Variants in CPNE8 observed in about 807,000 individuals in gnomAD.
CPNE8 encodes copine-8.
A neutral mutation model predicts 81.5 loss-of-function variants in CPNE8; 45 were observed. The ratio of observed to expected loss-of-function variants is 0.55; its 90% confidence interval spans 0.44 to 0.71. The LOEUF is 0.71. Among genes scored for constraint, CPNE8 ranks in the 30% least tolerant of loss-of-function variants. The pLI is 0.00. For synonymous variants in CPNE8, 252 were observed against 226.3 expected, an observed-to-expected ratio of 1.11 and a Z score of -1.02; for missense variants, 594 against 672.1, an observed-to-expected ratio of 0.88 and a Z score of 1.28.
chr12:38,746,971 A>C (rs1004117313), intron 10 of CPNE8, among the ~76,000 whole-genome samples: 15 of 152,214 alleles, frequency 9.9e-5, no homozygotes, highest in African/African-American at 3.6e-4. Context: ...GAGAAATAAG[A>C]AATGTGGGAC....
intron 10 of CPNE8, among the ~76,000 whole-genome samples, chr12:38,751,324 C>T (rs76757424): frequency 0.019 from 2,917 of 152,136 alleles, 94 homozygotes; most frequent in African/African-American, 0.067. Flanking sequence ...AAAATATTCG[C>T]CTTTTTTAAA....
At chr12:38,842,093 T>C (rs1384454113) in intron 4 of CPNE8, among the ~76,000 whole-genome samples, 1 of 151,940 alleles carries the variant, frequency 6.6e-6, no homozygotes, top group East Asian at 1.9e-4. Flanking sequence ...TTACTCTCCT[T>C]CGCATCAAGG....
intron 6 of CPNE8, among the ~76,000 whole-genome samples, chr12:38,788,865 A>G (rs1459061697): frequency 1.3e-5 from 2 of 151,818 alleles, no homozygotes; most frequent in Non-Finnish European, 2.9e-5. Flanking sequence ...AGTAGCCACA[A>G]AAAAAATTAA....
intron 6 of CPNE8, among the ~76,000 whole-genome samples, chr12:38,817,211 C>T (rs1452260806): frequency 6.6e-6 from 1 of 152,170 alleles, no homozygotes; most frequent in East Asian, 1.9e-4. Flanking sequence ...GATGACAACA[C>T]TGTGAAGTTT....
At chr12:38,846,814 C>T (rs1353780958) in intron 4 of CPNE8, among the ~76,000 whole-genome samples, 2 of 152,030 alleles carry the variant, frequency 1.3e-5, no homozygotes, top group Non-Finnish European at 2.9e-5. Context: ...AAAAGATTTG[C>T]ATCCAAGGAA....
intron 2 of CPNE8, among the ~76,000 whole-genome samples, 191 bp from the exon 3 acceptor site, chr12:38,873,241 A>G (rs1339580573): frequency 6.6e-6 from 1 of 152,218 alleles, no homozygotes; most frequent in Admixed American, 6.5e-5. Context: ...TAAGCAGAAA[A>G]CAAACTGTTA....
intron 5 of CPNE8, among the ~76,000 whole-genome samples, chr12:38,833,816 C>T (rs939235970): frequency 6.6e-5 from 10 of 152,078 alleles, no homozygotes; most frequent in Admixed American, 6.6e-4. Context: ...ACATGAAGAG[C>T]TCTTTTACAC....
intron 6 of CPNE8, among the ~76,000 whole-genome samples, chr12:38,816,874 C>G (rs1477290501): frequency 6.6e-6 from 1 of 152,102 alleles, no homozygotes; most frequent in Non-Finnish European, 1.5e-5. Context: ...TTGTTGTTAT[C>G]AAAGAAAACA....
At chr12:38,897,768 C>A (rs1017837390) in intron 1 of CPNE8, among the ~76,000 whole-genome samples, 1 of 151,868 alleles carries the variant, frequency 6.6e-6, no homozygotes, top group Non-Finnish European at 1.5e-5. Context: ...GACGCAACAG[C>A]GAAGGATTTT....
chr12:38,688,158 G>T (rs956395648), intron 15 of CPNE8, among the ~76,000 whole-genome samples: 1 of 152,114 alleles, frequency 6.6e-6, no homozygotes, highest in African/African-American at 2.4e-5. Context: ...TTGATTGGAG[G>T]TTTACGTTTT....
At chr12:38,679,551 G>A (rs1452483103) in intron 16 of CPNE8, 1 of 981,190 alleles carries the variant, frequency 1.0e-6, no homozygotes, top group African/African-American at 1.8e-5. Context: ...ACTACTGCTA[G>A]GCATATGTAA....
rs572924537 is a variant in CPNE8, at chr12:38,699,578, C to A, written c.961+3297G>T. Reference sequence around the variant, plus strand: ...TCCCCTACCCTTCCTTCCTTCTTTCCTTCCTTCCTTCCTTTCCCTCATTCT... The same window carrying A: ...TCCCCTACCCTTCCTTCCTTCTTTCATTCCTTCCTTCCTTTCCCTCATTCT... On this transcript the variant is annotated intron_variant, in intron 14 of 19. Coordinates refer to ENST00000331366, the MANE Select transcript of CPNE8 (RefSeq NM_153634.3). Among the ~76,000 whole-genome samples, 4 of 151,018 alleles carry A rather than the reference C, an allele frequency of 2.6e-5. No individual in the cohort carries two copies. In the East Asian group the frequency reaches 5.8e-4, roughly 22 times the overall value.
At chr12:38,844,236 C>A (rs925479313) in intron 4 of CPNE8, among the ~76,000 whole-genome samples, 5 of 152,042 alleles carry the variant, frequency 3.3e-5, no homozygotes, top group Admixed American at 6.6e-5. Flanking sequence ...GTGTTCCAAT[C>A]TGAATGGAAA....
At chr12:38,724,525 G>T (rs771913840) in intron 12 of CPNE8, among the ~76,000 whole-genome samples, 43 of 152,038 alleles carry the variant, frequency 2.8e-4, no homozygotes, top group Non-Finnish European at 1.3e-4. Context: ...ACTACCACTT[G>T]TGTTTTTTAC....
chr12:38,668,599 C>G (rs1276781741), intron 19 of CPNE8, among the ~76,000 whole-genome samples: 1 of 152,162 alleles, frequency 6.6e-6, no homozygotes, highest in Non-Finnish European at 1.5e-5. Context: ...AGCAACATAA[C>G]ATTCTAAAGA....
chr12:38,795,951 C>T (rs970962386), intron 6 of CPNE8, among the ~76,000 whole-genome samples: 3 of 151,978 alleles, frequency 2.0e-5, no homozygotes, highest in Non-Finnish European at 4.4e-5. Context: ...GAATACAAGA[C>T]TGTGTAACAT....
intron 19 of CPNE8, among the ~76,000 whole-genome samples, chr12:38,654,704 A>G (rs963491542): frequency 6.6e-6 from 1 of 152,070 alleles, no homozygotes; most frequent in African/African-American, 2.4e-5. Flanking sequence ...TTCTATACCC[A>G]GCCTGAATCC....
intron 4 of CPNE8, among the ~76,000 whole-genome samples, chr12:38,840,685 T>C (rs1269431415): frequency 6.6e-6 from 1 of 152,180 alleles, no homozygotes; most frequent in Non-Finnish European, 1.5e-5. Flanking sequence ...TATTTTTCCC[T>C]AATCACAGAA....
intron 18 of CPNE8, 63 bp from the exon 19 acceptor site, chr12:38,670,865 C>T: frequency 8.2e-7 from 1 of 1,213,552 alleles, no homozygotes; most frequent in Non-Finnish European, 1.2e-6. Context: ...ACAATGTGGA[C>T]AACAAGGAAA....
Sources: allele counts gnomAD v4.1 joint callset (sites outside exome capture counted in the v4.1 genomes callset), GRCh38; gene constraint gnomAD v4.1.1; transcripts MANE v1.5; gene names NCBI Gene and HGNC (gene_info 2026-07-23, HGNC 2026-07-21).